Variants in SEMA6D observed in about 807,000 individuals in gnomAD.
SEMA6D encodes the protein semaphorin 6D.
Under a neutral mutation model 106.6 loss-of-function variants are expected in SEMA6D, and 35 were observed. The observed-to-expected ratio is 0.33, with a 90% CI of 0.25 to 0.44. The LOEUF is 0.44. Among genes scored for constraint, SEMA6D ranks in the 20% least tolerant of loss-of-function variants. SEMA6D has a pLI of 1.00. For synonymous variants in SEMA6D, 499 were observed against 487.7 expected, an observed-to-expected ratio of 1.02 and a Z score of -0.31; for missense variants, 1,185 against 1,345.9, an observed-to-expected ratio of 0.88 and a Z score of 1.87.
intron 1 of SEMA6D, among the ~76,000 whole-genome samples, chr15:47,335,355 A>G (rs1466689118): frequency 2.0e-5 from 3 of 152,132 alleles, no homozygotes; most frequent in Non-Finnish European, 4.4e-5. Flanking sequence ...TATGATCCAG[A>G]TACAAAAGAG....
At chr15:47,683,981 T>C (rs1253053070) in intron 4 of SEMA6D, among the ~76,000 whole-genome samples, 1 of 152,202 alleles carries the variant, frequency 6.6e-6, no homozygotes, top group Non-Finnish European at 1.5e-5. Context: ...AGAGGCAGGA[T>C]TCTTTAAAGG....
chr15:47,348,520 G>A (rs1244642952), intron 1 of SEMA6D, among the ~76,000 whole-genome samples: 1 of 151,956 alleles, frequency 6.6e-6, no homozygotes, highest in African/African-American at 2.4e-5. Context: ...AATTTCTTGA[G>A]CACCCACATG....
At chr15:47,626,719 G>C (rs542939627) in intron 4 of SEMA6D, among the ~76,000 whole-genome samples, 1 of 152,070 alleles carries the variant, frequency 6.6e-6, no homozygotes, top group South Asian at 2.1e-4. Flanking sequence ...TGTCCATTCT[G>C]TACTCTTTTA....
chr15:47,543,271 C>T (rs555295356), intron 3 of SEMA6D, among the ~76,000 whole-genome samples: 5 of 152,046 alleles, frequency 3.3e-5, no homozygotes, highest in South Asian at 2.1e-4. Flanking sequence ...AAGCTCACCT[C>T]GAATTGTAAT....
At chr15:47,613,313 T>G (rs2143938299) in intron 4 of SEMA6D, among the ~76,000 whole-genome samples, 1 of 152,328 alleles carries the variant, frequency 6.6e-6, no homozygotes, top group East Asian at 1.9e-4. Context: ...TCAGCACTGT[T>G]TTAATGAATA....
intron 1 of SEMA6D, among the ~76,000 whole-genome samples, chr15:47,334,317 C>T (rs2144215141): frequency 6.6e-6 from 1 of 152,132 alleles, no homozygotes; most frequent in East Asian, 1.9e-4. Flanking sequence ...TGAGCCACTC[C>T]AGCAAATTAA....
intron 4 of SEMA6D, among the ~76,000 whole-genome samples, chr15:47,702,979 C>T (rs1414609645): frequency 1.3e-5 from 2 of 151,928 alleles, no homozygotes; most frequent in East Asian, 3.9e-4. Context: ...ATGTACAGCA[C>T]AAATAGTGAA....
intron 1 of SEMA6D, among the ~76,000 whole-genome samples, chr15:47,347,551 A>G (rs1419329223): frequency 1.3e-5 from 2 of 151,628 alleles, no homozygotes; most frequent in Admixed American, 1.3e-4. Flanking sequence ...CACGGGTAAT[A>G]AAAGTGTTCA....
chr15:47,668,725 T>G (rs140641189), intron 4 of SEMA6D, among the ~76,000 whole-genome samples: 16 of 152,220 alleles, frequency 1.1e-4, no homozygotes, highest in African/African-American at 3.9e-4. Context: ...CAGCCTTATC[T>G]CTCCCCATCC....
rs552038986 is a variant in SEMA6D, at chr15:47,199,271, C to G, written c.-239+14853C>G. On this transcript the variant is annotated intron_variant, in intron 1 of 19. Transcript: ENST00000558014. ...TTATGAAAACAGATGGTTTCAGCTG[C>G]TCTCATTACCAGCCATGAATTACAC... Among the ~76,000 whole-genome samples, 309 of 152,252 alleles carry G rather than the reference C, an allele frequency of 2.0e-3. 1 individual carries two copies. The highest frequency in any genetic ancestry group is 7.2e-3 in the African/African-American group (301 of 41,558).
intron 2 of SEMA6D, among the ~76,000 whole-genome samples, chr15:47,417,182 C>T (rs975311473): frequency 1.4e-4 from 22 of 151,820 alleles, no homozygotes; most frequent in African/African-American, 4.8e-4. Flanking sequence ...ATACATTATA[C>T]GATATTGTTG....
At chr15:47,456,606 G>A (rs1026920273) in intron 2 of SEMA6D, among the ~76,000 whole-genome samples, 2 of 151,956 alleles carry the variant, frequency 1.3e-5, no homozygotes, top group Admixed American at 1.3e-4. Flanking sequence ...GACTACATTT[G>A]TGCACTCACC....
At chr15:47,726,422 T>C (rs1369028325) in intron 1 of SEMA6D, among the ~76,000 whole-genome samples, 2 of 152,244 alleles carry the variant, frequency 1.3e-5, no homozygotes, top group African/African-American at 4.8e-5. Flanking sequence ...ATTCTCATTT[T>C]GTACAGGAGG....
At chr15:47,487,952 A>G (rs2141384577) in intron 3 of SEMA6D, among the ~76,000 whole-genome samples, 1 of 152,282 alleles carries the variant, frequency 6.6e-6, no homozygotes, top group Admixed American at 6.5e-5. Context: ...AGAATCTATT[A>G]TCTGTACCAC....
chr15:47,701,434 T>C (rs1313210586), intron 4 of SEMA6D, among the ~76,000 whole-genome samples: 1 of 152,188 alleles, frequency 6.6e-6, no homozygotes, highest in Non-Finnish European at 1.5e-5. Context: ...ACGTTCACTA[T>C]ATTTATTGTA....
intron 1 of SEMA6D, among the ~76,000 whole-genome samples, chr15:47,207,299 T>C (rs1031189870): frequency 4.6e-5 from 7 of 152,184 alleles, no homozygotes; most frequent in African/African-American, 1.4e-4. Context: ...GACCTTCTTA[T>C]TTCCTCCTCT....
Position 47,327,291 on chromosome 15 carries a change from A to G in SEMA6D, c.-238-85102A>G, listed in dbSNP as rs979011008. ...TTAAATCAGATAATAAATGTAAACCAGTCAGTGGCTTAGTGCCAAGCATTG... is the reference window on the plus strand; with the variant it reads ...TTAAATCAGATAATAAATGTAAACCGGTCAGTGGCTTAGTGCCAAGCATTG... On this transcript the variant is annotated intron_variant, in intron 1 of 19. Transcript: ENST00000558014. 3.3e-5 allele frequency among the ~76,000 whole-genome samples: 5 copies of G among 152,260 alleles called. 1 individual carries two copies. Among genetic ancestry groups the G allele is most frequent in the Admixed American group, 1.3e-4 (2 of 15,286 alleles).
intron 1 of SEMA6D, among the ~76,000 whole-genome samples, chr15:47,734,973 G>A (rs1041349877): frequency 6.6e-6 from 1 of 151,994 alleles, no homozygotes; most frequent in East Asian, 1.9e-4. Context: ...CATTTCATTT[G>A]GATCTGTCCT....
chr15:47,588,761 T>A (rs1249810925), intron 3 of SEMA6D, among the ~76,000 whole-genome samples: 1 of 152,190 alleles, frequency 6.6e-6, no homozygotes, highest in Non-Finnish European at 1.5e-5. Flanking sequence ...ACATGACTAG[T>A]ATTTCCTAGA....
Sources: allele counts gnomAD v4.1 joint callset (sites outside exome capture counted in the v4.1 genomes callset), GRCh38; gene constraint gnomAD v4.1.1; transcripts MANE v1.5; gene names NCBI Gene and HGNC (gene_info 2026-07-23, HGNC 2026-07-21).